ERAP1: variants seen among roughly 807,000 people sequenced by gnomAD.
ERAP1 encodes the protein endoplasmic reticulum aminopeptidase 1.
Under a neutral mutation model 103.7 loss-of-function variants are expected in ERAP1, and 86 were observed. The observed-to-expected ratio is 0.83, with a 90% CI of 0.70 to 0.99. The LOEUF (loss-of-function observed/expected upper bound fraction) is 0.99, where lower values mean the gene tolerates loss of function less well. Ranked by LOEUF, ERAP1 falls within the 50% of genes least tolerant of loss-of-function variation. ERAP1 has a pLI of 0.00. For synonymous variants in ERAP1, 398 were observed against 402.4 expected, an observed-to-expected ratio of 0.99 and a Z score of 0.13; for missense variants, 1,009 against 1,128.4, an observed-to-expected ratio of 0.89 and a Z score of 1.52.
the ERAP1 span, among the ~76,000 whole-genome samples, chr5:96,882,072 G>C: frequency 1.3e-5 from 2 of 152,112 alleles, no homozygotes; most frequent in South Asian, 4.2e-4. Context: ...ATCCACCTAG[G>C]ACAACTCTTC....
At chr5:96,867,772 C>T in the ERAP1 span, among the ~76,000 whole-genome samples, 1 of 152,098 alleles carries the variant, frequency 6.6e-6, no homozygotes, top group Admixed American at 6.5e-5. Flanking sequence ...GTTTATTTAC[C>T]TGCTTTAATA....
upstream of ERAP1, chr5:96,808,330 A>AGGAAAGGGCCGGT (rs1360906906): frequency 5.7e-6 from 3 of 523,798 alleles, no homozygotes; most frequent in African/African-American, 6.6e-5. Context: ...AGGGGCATGC[A>AGGAAAGGGCCGGT]GGAAAGGGCC....
chr5:96,903,617 C>A, the ERAP1 span: 2 of 1,444,234 alleles, frequency 1.4e-6, no homozygotes, highest in Non-Finnish European at 1.9e-6. Flanking sequence ...ACCAGATATG[C>A]TAGACTTCAA....
chr5:96,855,871 C>A, the ERAP1 span, among the ~76,000 whole-genome samples: 1 of 152,132 alleles, frequency 6.6e-6, no homozygotes. Flanking sequence ...CAAGTATATA[C>A]ACACATACAC....
chr5:96,839,897 C>T, the ERAP1 span, among the ~76,000 whole-genome samples: 1 of 152,294 alleles, frequency 6.6e-6, no homozygotes, highest in Admixed American at 6.5e-5. Context: ...CAGAATATTT[C>T]TCAGGTCTCT....
chr5:96,836,182 T>TTG, the ERAP1 span, among the ~76,000 whole-genome samples: 1 of 150,190 alleles, frequency 6.7e-6, no homozygotes, highest in Admixed American at 6.6e-5. Flanking sequence ...TTTGGTTTTT[T>TTG]TTTTTTTTTT....
Position 96,803,793 on chromosome 5 carries a change from G to A in ERAP1, c.134C>T (p.Thr45Ile). 1 of 1,614,166 alleles carries A rather than the reference G, an allele frequency of 6.2e-7. No homozygotes were observed. The highest frequency in any genetic ancestry group is 2.2e-5 in the East Asian group (1 of 44,880). Residue 45 changes from threonine to isoleucine, a missense_variant, in exon 2 of 19, where the codon ACA becomes ATA. Around this residue, in one of 3 missense-constraint regions of ERAP1, gnomAD observed 392 missense variants for 455.2 expected, o/e 0.86. Transcript: ENST00000443439. ...TCGTATTTTATTCCAAGGAAATGGT[G>A]TCCCATCACTACGTTTTGGAGATGC... ...TEASPKRSDGTPFPWNKIRLP... is the reference protein window; with the variant it reads ...TEASPKRSDGIPFPWNKIRLP...
intron 11 of ERAP1, among the ~76,000 whole-genome samples, chr5:96,787,737 A>C (rs1352746358): frequency 6.7e-6 from 1 of 149,448 alleles, no homozygotes; most frequent in African/African-American, 2.5e-5. Context: ...TCAAGATTTA[A>C]AACCTCCTTA....
intron 5 of ERAP1, among the ~76,000 whole-genome samples, chr5:96,794,169 G>GC (rs202110856): frequency 2.9e-5 from 3 of 101,746 alleles, no homozygotes; most frequent in Non-Finnish European, 3.9e-5. Flanking sequence ...TGCATCTCAG[G>GC]CCTTTTTTTT....
chr5:96,875,009 A>T, the ERAP1 span, among the ~76,000 whole-genome samples: 1 of 152,236 alleles, frequency 6.6e-6, no homozygotes, highest in Non-Finnish European at 1.5e-5. Context: ...CCACACTAGG[A>T]CTTGCCCCTC....
At chr5:96,902,811 A>G in the ERAP1 span, 2 of 155,966 alleles carry the variant, frequency 1.3e-5, no homozygotes, top group African/African-American at 4.8e-5. Context: ...TAAAGACTAA[A>G]CCTCACAGAG....
At chr5:96,801,387 G>A (rs1158941675) in intron 2 of ERAP1, among the ~76,000 whole-genome samples, 1 of 151,886 alleles carries the variant, frequency 6.6e-6, no homozygotes, top group Non-Finnish European at 1.5e-5. Flanking sequence ...GAGCCCAGGA[G>A]GCAGAGGTTT....
At chr5:96,905,927 AT>A in the ERAP1 span, among the ~76,000 whole-genome samples, 3 of 143,758 alleles carry the variant, frequency 2.1e-5, no homozygotes, top group Non-Finnish European at 3.0e-5. Context: ...TGGAGAGATA[AT>A]TTTTTTTTCT....
At chr5:96,916,924 T>C in the ERAP1 span, among the ~76,000 whole-genome samples, 5 of 152,174 alleles carry the variant, frequency 3.3e-5, no homozygotes, top group Non-Finnish European at 5.9e-5. Flanking sequence ...TTTAGCCACA[T>C]TGTGGTCACT....
chr5:96,808,506 G>A (rs777344772), upstream of ERAP1, among the ~76,000 whole-genome samples: 2 of 151,958 alleles, frequency 1.3e-5, no homozygotes, highest in Admixed American at 6.6e-5. Context: ...GTACTCTGTC[G>A]TGGCAAAGTG....
chr5:96,897,076 CCTGA>C, the ERAP1 span, among the ~76,000 whole-genome samples: 4 of 138,302 alleles, frequency 2.9e-5, no homozygotes, highest in Non-Finnish European at 4.8e-5. Context: ...CACTATTTGA[CCTGA>C]CTTTCTTTGG....
At chr5:96,926,628 AT>A in the ERAP1 span, among the ~76,000 whole-genome samples, 1 of 152,206 alleles carries the variant, frequency 6.6e-6, no homozygotes, top group African/African-American at 2.4e-5. Context: ...ACCTAACATA[AT>A]TTTTAAAAGG....
chr5:96,842,551 A>AT, the ERAP1 span, among the ~76,000 whole-genome samples: 4 of 152,060 alleles, frequency 2.6e-5, no homozygotes, highest in African/African-American at 9.7e-5. Flanking sequence ...GATGTTGAGC[A>AT]TTTTTTCATA....
the ERAP1 span, among the ~76,000 whole-genome samples, chr5:96,920,320 A>C: frequency 6.6e-6 from 1 of 151,400 alleles, no homozygotes; most frequent in East Asian, 1.9e-4. Context: ...AAAAAAAAAA[A>C]AGGAGTCTAA....
Sources: allele counts gnomAD v4.1 joint callset (sites outside exome capture counted in the v4.1 genomes callset), GRCh38; gene constraint gnomAD v4.1.1; regional missense constraint gnomAD v4.1.1; transcripts MANE v1.5; gene names NCBI Gene and HGNC (gene_info 2026-07-23, HGNC 2026-07-21).